ZNF277: variants seen among roughly 807,000 people sequenced by gnomAD.
The protein encoded by ZNF277 is zinc finger protein 277, also known as nuclear receptor-interacting factor 4.
ZNF277 carries 55 observed loss-of-function variants against 60.7 expected under a neutral mutation model. The observed-to-expected ratio is 0.91, with a 90% CI of 0.73 to 1.13. The LOEUF (loss-of-function observed/expected upper bound fraction) is 1.13. Ranked by LOEUF, ZNF277 falls within the 50% of genes most tolerant of loss-of-function variation. ZNF277 has a pLI of 0.00. For synonymous variants in ZNF277, 178 were observed against 179.3 expected (o/e 0.99, Z 0.06); for missense variants, 510 against 523.0 (o/e 0.98, Z 0.24).
chr7:112,313,355 C>T (rs1792773917), intron 4 of ZNF277, among the ~76,000 whole-genome samples: 1 of 151,362 alleles, frequency 6.6e-6, no homozygotes, highest in African/African-American at 2.4e-5. Flanking sequence ...TCACAGCTCA[C>T]TGCAGCCTCA....
In ZNF277 at chr7:112,295,951, C is replaced by T. The variant is rs772178164; in HGVS notation, c.376C>T (p.Pro126Ser). 8 of 1,609,058 alleles carry T rather than the reference C, an allele frequency of 5.0e-6. No individual in the cohort carries two copies. The highest frequency in any genetic ancestry group is 1.1e-5 in the South Asian group (1 of 90,956). ...CSVIRINSTA[P>S]FEEQENYFLL... ...TGTAATAAGAATTAATTCCACTGCTCCATTTGGTAAGTGTACATCTTGGCT... is the reference window on the plus strand; with the variant it reads ...TGTAATAAGAATTAATTCCACTGCTTCATTTGGTAAGTGTACATCTTGGCT... The change falls in exon 3 of 12, where the codon CCA (proline) becomes TCA (serine). Residue 126 changes from proline (P) to serine (S), a missense_variant. Coordinates refer to ENST00000361822, the MANE Select transcript of ZNF277 (RefSeq NM_021994.3).
At chr7:112,245,170 T>A (rs1371340663) in intron 1 of ZNF277, among the ~76,000 whole-genome samples, 1 of 152,324 alleles carries the variant, frequency 6.6e-6, no homozygotes, top group East Asian at 1.9e-4. Flanking sequence ...TTCTCCTGGA[T>A]ATTTTGGCTC....
chr7:112,279,469 C>G (rs1415217273), intron 1 of ZNF277, among the ~76,000 whole-genome samples: 1 of 152,080 alleles, frequency 6.6e-6, no homozygotes, highest in Non-Finnish European at 1.5e-5. Flanking sequence ...TTTTCATATA[C>G]CTGTTGGATG....
At chr7:112,255,599 T>G (rs1455775738) in intron 1 of ZNF277, among the ~76,000 whole-genome samples, 1 of 152,184 alleles carries the variant, frequency 6.6e-6, no homozygotes, top group African/African-American at 2.4e-5. Flanking sequence ...AATCCAGATG[T>G]CAGTTAGTCC....
At chr7:112,322,647 C>A (rs941579656) in intron 5 of ZNF277, among the ~76,000 whole-genome samples, 7 of 151,890 alleles carry the variant, frequency 4.6e-5, no homozygotes, top group Non-Finnish European at 1.0e-4. Context: ...ACAGGGGTTT[C>A]TTTAGTTCTT....
intron 7 of ZNF277, among the ~76,000 whole-genome samples, chr7:112,335,386 AC>A (rs1218321644): frequency 2.0e-5 from 3 of 152,154 alleles, no homozygotes; most frequent in African/African-American, 7.2e-5. Context: ...CCCAAGGGGA[AC>A]AAAAGAATTG....
intron 1 of ZNF277, among the ~76,000 whole-genome samples, chr7:112,252,488 A>G (rs553309755): frequency 3.5e-4 from 53 of 152,314 alleles, no homozygotes; most frequent in African/African-American, 1.1e-3. Flanking sequence ...TTAAAAAGAA[A>G]CAAAACTCTT....
intron 1 of ZNF277, among the ~76,000 whole-genome samples, chr7:112,273,788 C>T (rs1791733274): frequency 6.6e-6 from 1 of 152,076 alleles, no homozygotes; most frequent in Admixed American, 6.6e-5. Flanking sequence ...GTTAAGGTAG[C>T]TCTATTTTTT....
chr7:112,326,740 T>TGG (rs1012404934), intron 5 of ZNF277, among the ~76,000 whole-genome samples: 30 of 151,738 alleles, frequency 2.0e-4, no homozygotes, highest in Admixed American at 1.2e-3. Flanking sequence ...AACATTTTTT[T>TGG]GGGGGGGGAC....
chr7:112,330,312 A>G (rs1584416583), intron 7 of ZNF277, 96 bp downstream of exon 7: 2 of 1,285,286 alleles, frequency 1.6e-6, no homozygotes, highest in African/African-American at 1.5e-5. Context: ...AATTATTGCA[A>G]AAGTCAAAAT....
intron 5 of ZNF277, among the ~76,000 whole-genome samples, chr7:112,319,684 TTA>T: frequency 6.8e-6 from 1 of 147,440 alleles, no homozygotes; most frequent in East Asian, 2.0e-4. Context: ...ATTATATAAA[TTA>T]TATAAATTTA....
intron 1 of ZNF277, among the ~76,000 whole-genome samples, chr7:112,262,388 T>C (rs576402921): frequency 1.3e-5 from 2 of 152,188 alleles, no homozygotes; most frequent in South Asian, 4.1e-4. Flanking sequence ...AAGAGAGCAC[T>C]GTATGGGATA....
chr7:112,259,844 C>G (rs1202000508), intron 1 of ZNF277, among the ~76,000 whole-genome samples: 1 of 151,974 alleles, frequency 6.6e-6, no homozygotes, highest in East Asian at 1.9e-4. Flanking sequence ...GTGCAGTGTC[C>G]CAGGTACCAT....
chr7:112,315,926 T>G (rs772550059), intron 4 of ZNF277, among the ~76,000 whole-genome samples: 2 of 152,156 alleles, frequency 1.3e-5, no homozygotes, highest in Admixed American at 1.3e-4. Flanking sequence ...TCCAGATCAC[T>G]GTCCCCTGGC....
intron 1 of ZNF277, among the ~76,000 whole-genome samples, chr7:112,232,339 A>T (rs370531739): frequency 1.3e-5 from 2 of 152,094 alleles, no homozygotes; most frequent in African/African-American, 4.8e-5. Flanking sequence ...GAATTCTAAT[A>T]AAGTAGTATG....
chr7:112,306,144 T>G (rs369213000), intron 4 of ZNF277, among the ~76,000 whole-genome samples: 90 of 152,080 alleles, frequency 5.9e-4, no homozygotes, highest in African/African-American at 2.1e-3. Flanking sequence ...ACTTTAATCC[T>G]AAATTCTAAA....
At chr7:112,268,288 C>T (rs572033708) in intron 1 of ZNF277, among the ~76,000 whole-genome samples, 2 of 151,806 alleles carry the variant, frequency 1.3e-5, no homozygotes, top group South Asian at 4.2e-4. Context: ...ACACACAAAA[C>T]ACAGCTTAGT....
intron 4 of ZNF277, among the ~76,000 whole-genome samples, chr7:112,317,628 T>C (rs1792870900): frequency 1.3e-5 from 2 of 152,080 alleles, no homozygotes; most frequent in South Asian, 4.1e-4. Flanking sequence ...TAATTATGCA[T>C]GAAAATATTA....
chr7:112,318,180 A>T lies in ZNF277; in HGVS notation c.466-2A>T. The T allele has an allele frequency of 1.2e-6, 2 of 1,610,860 alleles. No homozygotes were observed. The highest frequency in any genetic ancestry group is 1.7e-6 in the Non-Finnish European group (2 of 1,177,184). On this transcript the variant is annotated splice_acceptor_variant, in intron 4 of 11. Transcript: ENST00000361822. LOFTEE classifies it high-confidence loss of function. The stretch of plus-strand genomic sequence containing the variant: ...TACCATAAATCTGTTTCTACTTTCC[A>T]GAGAGAAATTCTGGAACAACAGCAG...
Sources: allele counts gnomAD v4.1 joint callset (sites outside exome capture counted in the v4.1 genomes callset), GRCh38; gene constraint gnomAD v4.1.1; transcripts MANE v1.5; gene names NCBI Gene and HGNC (gene_info 2026-07-23, HGNC 2026-07-21).